Variants in BIN3 observed in about 807,000 individuals in gnomAD.
BIN3 encodes bridging integrator 3.
A neutral mutation model predicts 38.2 loss-of-function variants in BIN3; 41 were observed. The ratio of observed to expected loss-of-function variants is 1.07; its 90% CI spans 0.84 to 1.39. BIN3 has a LOEUF of 1.39. Among genes scored for constraint, BIN3 ranks in the 40% most tolerant of loss-of-function variants. The pLI is 0.00. For missense variants in BIN3, 361 were observed against 324.3 expected, an observed-to-expected ratio of 1.11 and a Z score of -0.87; for synonymous variants, 145 against 122.6, an observed-to-expected ratio of 1.18 and a Z score of -1.21.
intron 1 of BIN3, among the ~76,000 whole-genome samples, chr8:22,653,326 C>T (rs1802958567): frequency 6.6e-6 from 1 of 152,114 alleles, no homozygotes; most frequent in South Asian, 2.1e-4. Flanking sequence ...GGATCTCGTT[C>T]TCTTAATGGA....
rs138177615 is a variant in BIN3, at chr8:22,636,507, G to C, written c.160+18C>G. On this transcript the variant is annotated intron_variant, in intron 4 of 8. Transcript: ENST00000276416. ...CCCCACCTGCTCAAGCGAGTGGTGCGGGTGGAAAGTCACCTACCCAGGTCT... is the reference window on the plus strand; with the variant it reads ...CCCCACCTGCTCAAGCGAGTGGTGCCGGTGGAAAGTCACCTACCCAGGTCT... 3 of 1,551,426 alleles carry C rather than the reference G, an allele frequency of 1.9e-6. No individual in the cohort carries two copies. Among genetic ancestry groups the C allele is most frequent in the East Asian group, 2.4e-5 (1 of 40,924 alleles).
chr8:22,629,449 C>T (rs975912595), intron 6 of BIN3, among the ~76,000 whole-genome samples: 2 of 152,244 alleles, frequency 1.3e-5, no homozygotes, highest in Admixed American at 6.5e-5. Flanking sequence ...AGAAGCATTC[C>T]TGACCCCAAC....
At chr8:22,639,087 G>C (rs1362184112) in intron 2 of BIN3, among the ~76,000 whole-genome samples, 4 of 152,250 alleles carry the variant, frequency 2.6e-5, no homozygotes, top group Non-Finnish European at 5.9e-5. Context: ...GTGTGAAGGA[G>C]CCTCGCCAGG....
At chr8:22,667,456 T>C (rs943453439) in intron 1 of BIN3, among the ~76,000 whole-genome samples, 1 of 152,212 alleles carries the variant, frequency 6.6e-6, no homozygotes, top group Non-Finnish European at 1.5e-5. Flanking sequence ...ATATAAAGCA[T>C]CTGTACTGCC....
intron 4 of BIN3, among the ~76,000 whole-genome samples, chr8:22,635,787 G>A (rs1002684738): frequency 7.2e-5 from 11 of 152,192 alleles, no homozygotes; most frequent in Non-Finnish European, 1.5e-4. Flanking sequence ...GGGTGGGAAA[G>A]TCAAGGCCTT....
chr8:22,662,476 T>G (rs1181428266), intron 1 of BIN3, among the ~76,000 whole-genome samples: 2 of 152,222 alleles, frequency 1.3e-5, no homozygotes, highest in Non-Finnish European at 1.5e-5. Context: ...GGAAAGCAAT[T>G]GACAGTTTTC....
At chr8:22,654,117 T>C (rs1463429468) in intron 1 of BIN3, among the ~76,000 whole-genome samples, 1 of 152,226 alleles carries the variant, frequency 6.6e-6, no homozygotes, top group Non-Finnish European at 1.5e-5. Flanking sequence ...CTCTTGGTTT[T>C]CTCAAACGCC....
At chr8:22,659,238 A>T (rs1457070344) in intron 1 of BIN3, among the ~76,000 whole-genome samples, 1 of 152,244 alleles carries the variant, frequency 6.6e-6, no homozygotes. Context: ...ACTGAGCTGG[A>T]AATCAGTCCT....
chr8:22,641,105 T>C (rs570312096), intron 2 of BIN3, among the ~76,000 whole-genome samples: 22 of 152,294 alleles, frequency 1.4e-4, no homozygotes, highest in African/African-American at 4.8e-4. Flanking sequence ...GGAGCCTCAT[T>C]CCGAGGAAAA....
At chr8:22,639,822 G>C (rs1227664271) in intron 2 of BIN3, among the ~76,000 whole-genome samples, 1 of 152,108 alleles carries the variant, frequency 6.6e-6, no homozygotes, top group Non-Finnish European at 1.5e-5. Context: ...CCCATGCTTG[G>C]GTGTTGTGAT....
At chr8:22,634,573 T>C (rs1194711127) in intron 4 of BIN3, 1 of 455,766 alleles carries the variant, frequency 2.2e-6, no homozygotes, top group Non-Finnish European at 4.4e-6. Flanking sequence ...TATTGGGACA[T>C]TTCAAGGGTT....
chr8:22,642,420 T>C (rs1455309121), intron 2 of BIN3, among the ~76,000 whole-genome samples: 1 of 152,164 alleles, frequency 6.6e-6, no homozygotes, highest in Non-Finnish European at 1.5e-5. Context: ...TGGAGGGGTA[T>C]AGGCCAGGGA....
intron 2 of BIN3, among the ~76,000 whole-genome samples, chr8:22,638,857 C>G (rs1255724059): frequency 2.0e-5 from 3 of 152,232 alleles, no homozygotes; most frequent in Non-Finnish European, 1.5e-5. Context: ...GACTCTTTCT[C>G]CATCCAGGAA....
Position 22,630,563 on chromosome 8 carries a change from G to A in BIN3, c.176C>T (p.Ala59Val). 6.2e-7 allele frequency: 1 copy of A among 1,613,904 alleles called. No individual in the cohort carries two copies. Among genetic ancestry groups the A allele is most frequent in the South Asian group, 1.1e-5 (1 of 91,080 alleles). The change falls in exon 5 of 9, where the codon GCC (alanine) becomes GTC (valine). Residue 59 changes from alanine to valine, a missense_variant. Transcript: ENST00000276416. ...GAGTAAGTCCAAGGATATCTTCACG[G>A]CAGATTTTGACATGGCTGTGGGAAG... is the stretch of plus-strand genomic sequence containing the variant. Reference protein sequence around the residue: ...TDADLAMSKSAVKISLDLLSN... With the variant: ...TDADLAMSKSVVKISLDLLSN...
At chr8:22,666,164 G>A (rs1803410006) in intron 1 of BIN3, among the ~76,000 whole-genome samples, 1 of 151,996 alleles carries the variant, frequency 6.6e-6, no homozygotes, top group African/African-American at 2.4e-5. Flanking sequence ...AAATCATCAA[G>A]GTGTATGGTT....
chr8:22,625,712 C>T (rs148624569), intron 6 of BIN3: 24 of 304,480 alleles, frequency 7.9e-5, no homozygotes, highest in Non-Finnish European at 1.2e-4. Flanking sequence ...CTCAGCCTCC[C>T]GAAGAGCTAG....
intron 1 of BIN3, among the ~76,000 whole-genome samples, chr8:22,652,607 C>T (rs1364150980): frequency 6.6e-6 from 1 of 152,250 alleles, no homozygotes; most frequent in Non-Finnish European, 1.5e-5. Context: ...GTCCCACCCT[C>T]AGCTGTGCTG....
intron 1 of BIN3, among the ~76,000 whole-genome samples, chr8:22,668,746 A>C (rs965791286): frequency 2.0e-5 from 3 of 152,216 alleles, no homozygotes; most frequent in African/African-American, 7.2e-5. Flanking sequence ...TTAAAAAAGG[A>C]GGGAACAAGG....
At chr8:22,630,908 C>T (rs1802175254) in intron 4 of BIN3, among the ~76,000 whole-genome samples, 1 of 152,166 alleles carries the variant, frequency 6.6e-6, no homozygotes, top group Non-Finnish European at 1.5e-5. Context: ...ACCCGGTACC[C>T]AAGAATATGC....
Sources: allele counts gnomAD v4.1 joint callset (sites outside exome capture counted in the v4.1 genomes callset), GRCh38; gene constraint gnomAD v4.1.1; transcripts MANE v1.5; gene names NCBI Gene and HGNC (gene_info 2026-07-23, HGNC 2026-07-21).